Variants in SLC22A16 observed in about 807,000 individuals in gnomAD.
SLC22A16 encodes the protein WUGSC:RG331P03.1.
SLC22A16 carries 53 observed loss-of-function variants against 52.9 expected under a neutral mutation model. That is an observed-to-expected ratio of 1.00 (90% CI 0.80 to 1.26). SLC22A16 has a LOEUF of 1.26. SLC22A16 is among the 50% of genes most tolerant of loss of function. The pLI is 0.00. For synonymous variants in SLC22A16, 291 were observed against 268.8 expected, an observed-to-expected ratio of 1.08 and a Z score of -0.81; for missense variants, 726 against 704.0, an observed-to-expected ratio of 1.03 and a Z score of -0.35.
At chr6:110,443,136 T>G (rs564876014) in intron 3 of SLC22A16, among the ~76,000 whole-genome samples, 1 of 152,216 alleles carries the variant, frequency 6.6e-6, no homozygotes, top group African/African-American at 2.4e-5. Flanking sequence ...TATTGTTAAA[T>G]CCTAACTGCT....
intron 1 of SLC22A16, among the ~76,000 whole-genome samples, chr6:110,471,575 A>G (rs1776261773): frequency 6.6e-6 from 1 of 152,250 alleles, no homozygotes; most frequent in Non-Finnish European, 1.5e-5. Context: ...GTGACACACA[A>G]TATGGGTGGA....
At chr6:110,447,014 G>T in intron 2 of SLC22A16, 24 bp from the exon 3 acceptor site, 1 of 1,584,800 alleles carries the variant, frequency 6.3e-7, no homozygotes, top group Non-Finnish European at 8.6e-7. Flanking sequence ...GTCACACAGT[G>T]GAAGAGGAAA....
rs759082782 is a variant in SLC22A16, at chr6:110,442,455, T to C, written c.972A>G (p.Glu324=). 1.9e-6 allele frequency: 3 copies of C among 1,614,208 alleles called. No individual in the cohort carries two copies. Among genetic ancestry groups the C allele is most frequent in the Non-Finnish European group, 2.5e-6 (3 of 1,180,026 alleles). Residue 324 remains glutamate (E), a synonymous_variant, in exon 4 of 8, where the codon GAA becomes GAG. Coordinates refer to ENST00000368919, the MANE Select transcript of SLC22A16 (RefSeq NM_033125.4). Reference sequence around the variant, plus strand: ...GACCTTGTAGGTCCAGTGATAAAAGTTCTGACAGTTTACAGGAGCTTGCCC... The same window carrying C: ...GACCTTGTAGGTCCAGTGATAAAAGCTCTGACAGTTTACAGGAGCTTGCCC... ...WNRASSCKLS[E]LLSLDLQGPV... is the part of the protein sequence containing the mutation.
At chr6:110,453,023 C>T (rs1775444273) in intron 2 of SLC22A16, among the ~76,000 whole-genome samples, 2 of 152,166 alleles carry the variant, frequency 1.3e-5, no homozygotes, top group African/African-American at 2.4e-5. Context: ...TCTGAGTTAT[C>T]ATCCATTTCA....
intron 4 of SLC22A16, 103 bp downstream of exon 4, chr6:110,442,141 T>TA: frequency 8.4e-7 from 1 of 1,186,554 alleles, no homozygotes. Flanking sequence ...AAGGGCCTAT[T>TA]AAAAACATTC....
At chr6:110,449,384 T>A (rs1344022138) in intron 2 of SLC22A16, among the ~76,000 whole-genome samples, 2 of 152,066 alleles carry the variant, frequency 1.3e-5, no homozygotes, top group African/African-American at 4.8e-5. Flanking sequence ...TTCCTAAGTA[T>A]GGGCTATTAA....
intron 7 of SLC22A16, among the ~76,000 whole-genome samples, chr6:110,426,827 G>C (rs1248651829): frequency 1.3e-5 from 2 of 152,044 alleles, no homozygotes; most frequent in Non-Finnish European, 2.9e-5. Flanking sequence ...GCACATGCCT[G>C]TAATCCCAGC....
chr6:110,448,364 G>A (rs1189517761), intron 2 of SLC22A16, among the ~76,000 whole-genome samples: 1 of 151,988 alleles, frequency 6.6e-6, no homozygotes, highest in East Asian at 1.9e-4. Flanking sequence ...TTAATATTGA[G>A]TTGTAAGAGC....
intron 5 of SLC22A16, among the ~76,000 whole-genome samples, chr6:110,437,476 A>C (rs1037148490): frequency 6.6e-6 from 1 of 152,216 alleles, no homozygotes; most frequent in Non-Finnish European, 1.5e-5. Context: ...GCATTCAATT[A>C]GTTGTGTATC....
At chr6:110,460,237 T>C (rs1016061331) in intron 1 of SLC22A16, among the ~76,000 whole-genome samples, 1 of 152,204 alleles carries the variant, frequency 6.6e-6, no homozygotes, top group African/African-American at 2.4e-5. Flanking sequence ...GTTCTCACAC[T>C]TTTTGGTCTC....
intron 7 of SLC22A16, among the ~76,000 whole-genome samples, chr6:110,427,171 C>A (rs1271096266): frequency 1.3e-5 from 2 of 149,006 alleles, no homozygotes; most frequent in African/African-American, 5.0e-5. Flanking sequence ...TCTCTTGAGC[C>A]CAGGAGGCAG....
chr6:110,457,045 T>G (rs145640861), intron 1 of SLC22A16, 28 bp from the exon 2 acceptor site: 2 of 1,513,420 alleles, frequency 1.3e-6, no homozygotes, highest in Admixed American at 2.3e-5. Flanking sequence ...CTAATTATTA[T>G]ATCTGGTCTA....
intron 5 of SLC22A16, among the ~76,000 whole-genome samples, chr6:110,437,320 C>T (rs1178370863): frequency 6.6e-6 from 1 of 151,690 alleles, no homozygotes; most frequent in African/African-American, 2.4e-5. Context: ...GTGTAGAACT[C>T]AAAGGTTCTG....
chr6:110,472,997 G>A (rs533143904), intron 1 of SLC22A16, among the ~76,000 whole-genome samples: 1 of 152,156 alleles, frequency 6.6e-6, no homozygotes, highest in East Asian at 1.9e-4. Context: ...AGACTGCCAA[G>A]GTTTGATCTT....
chr6:110,442,837 A>AC, intron 3 of SLC22A16, 62 bp from the exon 4 acceptor site: 1 of 1,472,634 alleles, frequency 6.8e-7, no homozygotes, highest in African/African-American at 1.4e-5. Flanking sequence ...GAGGAGTCTG[A>AC]CCCCATTGCA....
chr6:110,451,082 T>C (rs2114968317), intron 2 of SLC22A16, among the ~76,000 whole-genome samples: 1 of 152,390 alleles, frequency 6.6e-6, no homozygotes, highest in African/African-American at 2.4e-5. Context: ...ATTTTATGAC[T>C]TGCTTCCTTT....
intron 2 of SLC22A16, among the ~76,000 whole-genome samples, chr6:110,452,690 A>G (rs1775431716): frequency 6.6e-6 from 1 of 152,198 alleles, no homozygotes; most frequent in South Asian, 2.1e-4. Context: ...AGAAAGAAAG[A>G]AAAAAGAAAT....
intron 1 of SLC22A16, among the ~76,000 whole-genome samples, chr6:110,470,000 A>G (rs980029322): frequency 2.0e-5 from 3 of 152,244 alleles, no homozygotes; most frequent in Admixed American, 1.3e-4. Flanking sequence ...TGGTGAAAGT[A>G]TGATAAAAGT....
chr6:110,436,612 T>C (rs879544885), intron 5 of SLC22A16, among the ~76,000 whole-genome samples: 3 of 152,138 alleles, frequency 2.0e-5, no homozygotes, highest in Admixed American at 2.0e-4. Flanking sequence ...GGTGACAGAG[T>C]GAGATCTTGT....
Sources: allele counts gnomAD v4.1 joint callset (sites outside exome capture counted in the v4.1 genomes callset), GRCh38; gene constraint gnomAD v4.1.1; transcripts MANE v1.5; gene names NCBI Gene and HGNC (gene_info 2026-07-23, HGNC 2026-07-21).